NDUFAF2: variants seen among roughly 807,000 people sequenced by gnomAD.
NDUFAF2 encodes NADH dehydrogenase [ubiquinone] 1 alpha subcomplex assembly factor 2.
Under a neutral mutation model 22.8 loss-of-function variants are expected in NDUFAF2, and 13 were observed. That is an observed-to-expected ratio of 0.57 (90% CI 0.37 to 0.91). The LOEUF (loss-of-function observed/expected upper bound fraction) is 0.91, where lower values mean the gene tolerates loss of function less well. Ranked by LOEUF, NDUFAF2 falls within the 40% of genes least tolerant of loss-of-function variation. NDUFAF2 has a pLI of 0.01. For missense variants in NDUFAF2, 162 were observed against 195.2 expected (o/e 0.83, Z 1.01); for synonymous variants, 53 against 64.2 (o/e 0.83, Z 0.84).
intron 1 of NDUFAF2, among the ~76,000 whole-genome samples, chr5:61,000,031 A>C: frequency 6.6e-6 from 1 of 152,098 alleles, no homozygotes; most frequent in East Asian, 1.9e-4. Flanking sequence ...ACAAAATAAA[A>C]AAGTTTTAGA....
chr5:61,061,180 C>G (rs1450513493), intron 1 of NDUFAF2, among the ~76,000 whole-genome samples: 1 of 152,128 alleles, frequency 6.6e-6, no homozygotes, highest in Non-Finnish European at 1.5e-5. Flanking sequence ...TGTGTGAGAA[C>G]ACTATATGCA....
chr5:61,062,844 C>T (rs1044887669), intron 1 of NDUFAF2, among the ~76,000 whole-genome samples: 1 of 152,164 alleles, frequency 6.6e-6, no homozygotes, highest in African/African-American at 2.4e-5. Context: ...CTCCATTAGA[C>T]TGTCAGCAGA....
At chr5:61,076,819 G>T (rs1227261095) in intron 2 of NDUFAF2, among the ~76,000 whole-genome samples, 4 of 152,218 alleles carry the variant, frequency 2.6e-5, no homozygotes, top group Non-Finnish European at 5.9e-5. Context: ...GATTAATTGT[G>T]ACTTGGGCCA....
intron 1 of NDUFAF2, among the ~76,000 whole-genome samples, chr5:61,021,101 G>A (rs1751578198): frequency 6.6e-6 from 1 of 150,664 alleles, no homozygotes; most frequent in African/African-American, 2.4e-5. Context: ...TTGTGGCATA[G>A]TATTAGTTTC....
chr5:61,090,616 T>C (rs1039835559), intron 2 of NDUFAF2, among the ~76,000 whole-genome samples: 107 of 152,254 alleles, frequency 7.0e-4, no homozygotes, highest in African/African-American at 2.5e-3. Flanking sequence ...ATAGTTCATG[T>C]TGAGTTATTT....
At chr5:61,094,001 T>C (rs1334475720) in intron 2 of NDUFAF2, among the ~76,000 whole-genome samples, 3 of 152,196 alleles carry the variant, frequency 2.0e-5, no homozygotes, top group African/African-American at 7.2e-5. Flanking sequence ...ATGGTGTATG[T>C]GTCAGGAATT....
At chr5:61,084,428 C>T (rs1461651728) in intron 2 of NDUFAF2, among the ~76,000 whole-genome samples, 2 of 145,120 alleles carry the variant, frequency 1.4e-5, no homozygotes, top group African/African-American at 2.4e-5. Context: ...CTTTTTTCAT[C>T]TTCCCAAACT....
chr5:60,990,563 C>A (rs1040569427), intron 1 of NDUFAF2, among the ~76,000 whole-genome samples: 8 of 152,012 alleles, frequency 5.3e-5, no homozygotes, highest in Non-Finnish European at 1.2e-4. Context: ...GTTGCCCAGG[C>A]TGGTCTTGAA....
chr5:60,992,998 C>T (rs890830169), intron 1 of NDUFAF2, among the ~76,000 whole-genome samples: 12 of 152,218 alleles, frequency 7.9e-5, no homozygotes, highest in Non-Finnish European at 1.6e-4. Flanking sequence ...TCGTTCCACA[C>T]ACTGGACCTG....
intron 3 of NDUFAF2, among the ~76,000 whole-genome samples, chr5:61,099,797 T>A (rs918520200): frequency 5.9e-5 from 9 of 152,140 alleles, no homozygotes; most frequent in African/African-American, 2.2e-4. Flanking sequence ...TTCTACTATT[T>A]AGGACTTCCC....
chr5:61,134,214 G>T lies in NDUFAF2; in HGVS notation c.259-18490G>T, dbSNP rs543570178. Among the ~76,000 whole-genome samples, 21 of 151,816 alleles carry T rather than the reference G, an allele frequency of 1.4e-4. 1 individual carries two copies. In the South Asian group the frequency reaches 4.4e-3, roughly 32 times the overall value. On this transcript the variant is annotated intron_variant, in intron 3 of 3. Transcript: ENST00000296597. ...TTTATGTAAGGGTGGAGAAAGAGAT[G>T]CACATGTATTTGCTTATTTTATAAA...
chr5:61,059,171 T>G (rs546375001), intron 1 of NDUFAF2, among the ~76,000 whole-genome samples: 106 of 152,190 alleles, frequency 7.0e-4, no homozygotes, highest in African/African-American at 2.5e-3. Context: ...CTGCTTAACT[T>G]TTAATTATAA....
At chr5:60,994,792 C>T (rs923677232) in intron 1 of NDUFAF2, among the ~76,000 whole-genome samples, 1 of 152,148 alleles carries the variant, frequency 6.6e-6, no homozygotes, top group Non-Finnish European at 1.5e-5. Context: ...ACTTTTATCT[C>T]TTTCTGCCTC....
intron 3 of NDUFAF2, among the ~76,000 whole-genome samples, chr5:61,108,228 G>A (rs1489613417): frequency 6.7e-6 from 1 of 148,680 alleles, no homozygotes; most frequent in Non-Finnish European, 1.5e-5. Flanking sequence ...TAATGGGATG[G>A]CTGGGTCAAA....
chr5:61,049,374 C>T (rs967207525), intron 1 of NDUFAF2, among the ~76,000 whole-genome samples: 2 of 151,962 alleles, frequency 1.3e-5, no homozygotes, highest in Non-Finnish European at 2.9e-5. Context: ...GGATTTTTAC[C>T]CTCCGAAATT....
intron 1 of NDUFAF2, among the ~76,000 whole-genome samples, chr5:60,991,606 T>G (rs1751159120): frequency 6.6e-6 from 1 of 152,228 alleles, no homozygotes; most frequent in African/African-American, 2.4e-5. Flanking sequence ...AATCTCCAGT[T>G]CCATTCATGT....
chr5:61,137,718 C>T (rs908283918), intron 3 of NDUFAF2, among the ~76,000 whole-genome samples: 1 of 152,114 alleles, frequency 6.6e-6, no homozygotes, highest in Non-Finnish European at 1.5e-5. Flanking sequence ...TTGGAGAGGT[C>T]GGCAGCAATT....
intron 1 of NDUFAF2, among the ~76,000 whole-genome samples, chr5:61,028,651 A>T (rs546517858): frequency 1.2e-4 from 19 of 152,140 alleles, no homozygotes; most frequent in Non-Finnish European, 4.4e-5. Context: ...AAAATGATCC[A>T]TAAACATCCT....
chr5:60,985,360 G>T (rs1487283626), intron 1 of NDUFAF2, among the ~76,000 whole-genome samples: 2 of 152,036 alleles, frequency 1.3e-5, no homozygotes, highest in Non-Finnish European at 1.5e-5. Context: ...TGGATTCATT[G>T]ATTTTTTGAA....
Sources: allele counts gnomAD v4.1 joint callset (sites outside exome capture counted in the v4.1 genomes callset), GRCh38; gene constraint gnomAD v4.1.1; transcripts MANE v1.5; gene names NCBI Gene and HGNC (gene_info 2026-07-23, HGNC 2026-07-21).